The following CDH13 variants were observed in gnomAD, a reference collection of about 807,000 sequenced individuals.
CDH13 encodes cadherin-13.
CDH13 carries 24 observed loss-of-function variants against 63.8 expected under a neutral mutation model. The ratio of observed to expected loss-of-function variants is 0.38; its 90% CI spans 0.27 to 0.53. The LOEUF (loss-of-function observed/expected upper bound fraction) is 0.53, where lower values mean the gene tolerates loss of function less well. CDH13 is among the 20% of genes least tolerant of loss of function. The pLI, the probability that CDH13 is intolerant of heterozygous loss-of-function variation, is 0.85. For missense variants in CDH13, 1,049 were observed against 903.1 expected, an observed-to-expected ratio of 1.16 and a Z score of -2.07; for synonymous variants, 503 against 355.3, an observed-to-expected ratio of 1.42 and a Z score of -4.67.
At chr16:83,053,323 T>A (rs577746575) in intron 3 of CDH13, among the ~76,000 whole-genome samples, 54 of 152,340 alleles carry the variant, frequency 3.5e-4, no homozygotes, top group Non-Finnish European at 6.3e-4. Context: ...ACTAGGACTC[T>A]GTTATCCTTT....
intron 6 of CDH13, among the ~76,000 whole-genome samples, chr16:83,374,848 C>T (rs1464385956): frequency 2.0e-5 from 3 of 152,176 alleles, no homozygotes; most frequent in African/African-American, 7.2e-5. Flanking sequence ...CCATATGAGC[C>T]TGCTGCAAGC....
intron 3 of CDH13, among the ~76,000 whole-genome samples, chr16:83,123,722 G>T (rs2035690196): frequency 6.6e-6 from 1 of 152,110 alleles, no homozygotes; most frequent in South Asian, 2.1e-4. Context: ...GTATATACCT[G>T]GTAGTGGGAT....
intron 5 of CDH13, among the ~76,000 whole-genome samples, chr16:83,278,379 C>G (rs1024932013): frequency 2.0e-5 from 3 of 152,188 alleles, no homozygotes; most frequent in African/African-American, 7.2e-5. Context: ...ACCTTCTAAG[C>G]TCCAAGACAA....
chr16:83,382,151 A>G (rs980721698), intron 6 of CDH13, among the ~76,000 whole-genome samples: 2 of 152,206 alleles, frequency 1.3e-5, no homozygotes, highest in African/African-American at 4.8e-5. Context: ...CTATAGTAGA[A>G]GGATACTAAT....
chr16:82,685,130 A>G (rs17179911), intron 1 of CDH13, among the ~76,000 whole-genome samples: 3,069 of 152,288 alleles, frequency 0.02, 45 homozygotes, highest in Middle Eastern at 0.044. Context: ...GGGAAAAAAT[A>G]CTTCAGTTTT....
chr16:83,396,035 A>G (rs1466651584), intron 6 of CDH13, among the ~76,000 whole-genome samples: 4 of 152,182 alleles, frequency 2.6e-5, no homozygotes, highest in Non-Finnish European at 5.9e-5. Context: ...ATGAGTGGGA[A>G]CATGTGGTAT....
intron 7 of CDH13, among the ~76,000 whole-genome samples, chr16:83,530,023 C>T (rs1169645414): frequency 6.6e-6 from 1 of 152,060 alleles, no homozygotes; most frequent in African/African-American, 2.4e-5. Flanking sequence ...GCAGAGGGTG[C>T]CTGATGCAGA....
intron 1 of CDH13, among the ~76,000 whole-genome samples, chr16:82,730,905 A>G (rs974039272): frequency 2.4e-4 from 36 of 152,336 alleles, no homozygotes; most frequent in African/African-American, 7.0e-4. Context: ...ATCAACTTAT[A>G]ATTAAGTTAT....
Position 83,285,562 on chromosome 16 carries a change from A to T in CDH13, c.637-59300A>T, listed in dbSNP as rs2089289017. On this transcript the variant is annotated intron_variant, in intron 5 of 13. Transcript: ENST00000567109. Reference sequence around the variant, plus strand: ...TAACCATAAAAAAAGCAATGTAATAACTATTTACATAGCATTTACATTGTA... The same window carrying T: ...TAACCATAAAAAAAGCAATGTAATATCTATTTACATAGCATTTACATTGTA... 2.0e-5 allele frequency among the ~76,000 whole-genome samples: 3 copies of T among 152,314 alleles called. No individual in the cohort carries two copies. In the South Asian group the frequency reaches 6.2e-4, roughly 32 times the overall value.
At chr16:83,523,949 G>A (rs2074898428) in intron 7 of CDH13, among the ~76,000 whole-genome samples, 1 of 152,212 alleles carries the variant, frequency 6.6e-6, no homozygotes, top group African/African-American at 2.4e-5. Flanking sequence ...CAGATGGAGA[G>A]CGTCCTGGGC....
chr16:83,768,646 T>C (rs1472550073), intron 11 of CDH13, among the ~76,000 whole-genome samples: 1 of 152,186 alleles, frequency 6.6e-6, no homozygotes, highest in Non-Finnish European at 1.5e-5. Flanking sequence ...TGCCCATGTT[T>C]ATAGTTTTTT....
At chr16:82,949,467 G>A (rs1178586092) in intron 2 of CDH13, among the ~76,000 whole-genome samples, 1 of 152,136 alleles carries the variant, frequency 6.6e-6, no homozygotes, top group Non-Finnish European at 1.5e-5. Flanking sequence ...CAGATTCCAG[G>A]GGTTAGGAGT....
rs2150674206 is a variant in CDH13, at chr16:83,553,221, AAAATTATCC to A, written c.961-49231_961-49223del. Among the ~76,000 whole-genome samples the A allele has an allele frequency of 2.0e-5, 3 of 152,378 alleles. No individual in the cohort carries two copies. The East Asian group carries it at 5.8e-4, about 29-fold the overall frequency. On this transcript the variant is annotated intron_variant, in intron 7 of 13. Coordinates refer to ENST00000567109, the MANE Select transcript of CDH13 (RefSeq NM_001257.5). ...GAGCAGTCCTAACATTCCAAGAGTTAAAATTATCCATGATTGGGATGTAATATCTAAATT... is the reference window on the plus strand; with the variant it reads ...GAGCAGTCCTAACATTCCAAGAGTTAATGATTGGGATGTAATATCTAAATT...
chr16:83,778,111 T>C (rs905095090), intron 11 of CDH13, among the ~76,000 whole-genome samples: 1 of 152,192 alleles, frequency 6.6e-6, no homozygotes, highest in African/African-American at 2.4e-5. Flanking sequence ...TTGCAGAAAA[T>C]TAGAAACTAC....
chr16:82,905,716 T>C (rs138419587), intron 2 of CDH13, among the ~76,000 whole-genome samples: 1 of 152,336 alleles, frequency 6.6e-6, no homozygotes, highest in East Asian at 1.9e-4. Context: ...ATCTAAAATG[T>C]GACTTCATTG....
intron 2 of CDH13, among the ~76,000 whole-genome samples, chr16:82,875,818 C>T (rs1029370151): frequency 1.3e-5 from 2 of 152,160 alleles, no homozygotes; most frequent in Non-Finnish European, 2.9e-5. Context: ...AGGTTACATA[C>T]GAAGCTGGTT....
At chr16:83,108,523 C>T (rs1373163482) in intron 3 of CDH13, among the ~76,000 whole-genome samples, 2 of 152,178 alleles carry the variant, frequency 1.3e-5, no homozygotes, top group African/African-American at 4.8e-5. Context: ...CAAGAGAGGC[C>T]AGGCTCCTCC....
chr16:83,383,394 A>G (rs1301774694), intron 6 of CDH13, among the ~76,000 whole-genome samples: 2 of 152,196 alleles, frequency 1.3e-5, no homozygotes, highest in Non-Finnish European at 2.9e-5. Flanking sequence ...ATTCCAGATC[A>G]TCGATCTTGT....
chr16:83,216,435 T>C (rs1443390801), intron 4 of CDH13, among the ~76,000 whole-genome samples: 2 of 110,106 alleles, frequency 1.8e-5, no homozygotes, highest in African/African-American at 8.0e-5. Flanking sequence ...TATATATATA[T>C]ATATATATAC....
Sources: allele counts gnomAD v4.1 joint callset (sites outside exome capture counted in the v4.1 genomes callset), GRCh38; gene constraint gnomAD v4.1.1; transcripts MANE v1.5; gene names NCBI Gene and HGNC (gene_info 2026-07-23, HGNC 2026-07-21).